Variants in NGF observed in about 807,000 individuals in gnomAD.
NGF encodes beta-nerve growth factor.
In NGF, 4 loss-of-function variants were observed where a neutral mutation model predicts 12.8. The ratio of observed to expected loss-of-function variants is 0.31; its 90% confidence interval spans 0.15 to 0.72. NGF has a LOEUF of 0.72. Among genes scored for constraint, NGF ranks in the 30% least tolerant of loss-of-function variants. The pLI is 0.69. For synonymous variants in NGF, 140 were observed against 130.0 expected, an observed-to-expected ratio of 1.08 and a Z score of -0.52; for missense variants, 283 against 330.8, an observed-to-expected ratio of 0.86 and a Z score of 1.12.
chr1:115,318,641 C>T (rs1367478189), intron 1 of NGF, among the ~76,000 whole-genome samples: 1 of 152,196 alleles, frequency 6.6e-6, no homozygotes, highest in African/African-American at 2.4e-5. Context: ...CCAGCCACCT[C>T]TCTTCTTTGT....
At chr1:115,324,618 A>C (rs1475973869) in intron 1 of NGF, among the ~76,000 whole-genome samples, 1 of 152,014 alleles carries the variant, frequency 6.6e-6, no homozygotes, top group Admixed American at 6.5e-5. Flanking sequence ...CTGTCCTATC[A>C]CAGATTAAAA....
intron 1 of NGF, among the ~76,000 whole-genome samples, chr1:115,293,952 G>A (rs975968284): frequency 6.6e-6 from 1 of 152,232 alleles, no homozygotes; most frequent in African/African-American, 2.4e-5. Context: ...GGTGGCACCT[G>A]CCTCTCACTC....
At chr1:115,292,544 A>C (rs1294996242) in intron 2 of NGF, among the ~76,000 whole-genome samples, 1 of 152,196 alleles carries the variant, frequency 6.6e-6, no homozygotes, top group Non-Finnish European at 1.5e-5. Flanking sequence ...AACTTTGTAG[A>C]AGACAAAAAT....
chr1:115,312,079 C>T (rs941309020), intron 1 of NGF, among the ~76,000 whole-genome samples: 1 of 152,172 alleles, frequency 6.6e-6, no homozygotes, highest in African/African-American at 2.4e-5. Flanking sequence ...TAAGTTGTGT[C>T]TATAAGTAGA....
At chr1:115,319,531 T>C (rs1159336503) in intron 1 of NGF, among the ~76,000 whole-genome samples, 2 of 152,180 alleles carry the variant, frequency 1.3e-5, no homozygotes, top group African/African-American at 4.8e-5. Flanking sequence ...ACAGACTTAG[T>C]AGAACTCAAA....
chr1:115,313,990 T>C lies in NGF; in HGVS notation c.-136-20240A>G, dbSNP rs11466078. On this transcript the variant is annotated intron_variant, in intron 1 of 2. Coordinates refer to ENST00000369512, the MANE Select transcript of NGF (RefSeq NM_002506.3). ...GCCAGTTATTAAAAAGACCACATTATAGCACAGCCTATACCAGGACTTCAG... is the reference window on the plus strand; with the variant it reads ...GCCAGTTATTAAAAAGACCACATTACAGCACAGCCTATACCAGGACTTCAG... 1.9e-3 allele frequency among the ~76,000 whole-genome samples: 292 copies of C among 152,266 alleles called. 3 individuals are homozygous for C. Among genetic ancestry groups the C allele is most frequent in the Non-Finnish European group, 3.5e-3 (237 of 68,018 alleles).
intron 1 of NGF, among the ~76,000 whole-genome samples, chr1:115,294,355 T>C (rs148544533): frequency 6.6e-6 from 1 of 152,326 alleles, no homozygotes; most frequent in East Asian, 1.9e-4. Context: ...TTTTAAAAAA[T>C]CAATTTTAGG....
In NGF at chr1:115,286,637, G is replaced by A. The variant is rs376241395; in HGVS notation, c.159C>T (p.Ser53=). 1.4e-5 allele frequency: 22 copies of A among 1,614,106 alleles called. No homozygotes were observed. The highest frequency in any genetic ancestry group is 4.0e-5 in the African/African-American group (3 of 74,948). ...GTGCAGCTATCGCCGCTGCCGGGGC[G>A]CTGCGGGCTCTGCGAAGGGCAGTGT... is the stretch of plus-strand genomic sequence containing the variant. The part of the protein sequence containing the change: ...SLDTALRRAR[S]APAAAIAARV... The change falls in exon 3 of 3, where the codon AGC becomes AGT. Residue 53 remains serine, a synonymous_variant. Transcript: ENST00000369512.
rs188683711 is a variant in NGF, at chr1:115,326,277, C to A, written c.-137+11927G>T. 2.6e-5 allele frequency among the ~76,000 whole-genome samples: 4 copies of A among 152,194 alleles called. No homozygotes were observed. The East Asian group carries it at 7.7e-4, about 29-fold the overall frequency. ...TGTCCTGGCACTGTTGTTACATCTG[C>A]CTTAGACTGAGTAGTTGGGGAGCTC... is the stretch of plus-strand genomic sequence containing the variant. On this transcript the variant is annotated intron_variant, in intron 1 of 2. Transcript: ENST00000369512.
At chr1:115,330,918 G>A (rs533828979) in intron 1 of NGF, among the ~76,000 whole-genome samples, 1 of 152,254 alleles carries the variant, frequency 6.6e-6, no homozygotes, top group South Asian at 2.1e-4. Context: ...GCCCAGGTCA[G>A]GCTTTTAAAG....
intron 2 of NGF, among the ~76,000 whole-genome samples, chr1:115,288,357 G>A (rs889245414): frequency 6.6e-6 from 1 of 152,098 alleles, no homozygotes; most frequent in South Asian, 2.1e-4. Flanking sequence ...GAGCCTTAGC[G>A]TTCCCATTGA....
intron 1 of NGF, among the ~76,000 whole-genome samples, chr1:115,300,020 G>A (rs1000845331): frequency 9.9e-5 from 15 of 152,168 alleles, no homozygotes; most frequent in Non-Finnish European, 1.9e-4. Context: ...GATTGAACAC[G>A]TGAAAGAAAA....
At chr1:115,296,560 A>G (rs368139957) in intron 1 of NGF, among the ~76,000 whole-genome samples, 1 of 152,144 alleles carries the variant, frequency 6.6e-6, no homozygotes. Flanking sequence ...TTTCTGGACC[A>G]AGTCACCTTG....
chr1:115,286,188 G>T lies in NGF; in HGVS notation c.608C>A (p.Thr203Lys). 1 of 1,614,168 alleles carries T rather than the reference G, an allele frequency of 6.2e-7. No homozygotes were observed. The highest frequency in any genetic ancestry group is 1.1e-5 in the South Asian group (1 of 91,076). Residue 203 changes from threonine to lysine, a missense_variant, in exon 3 of 3, where the codon ACG becomes AAG. Around this residue, in one of 2 missense-constraint regions of NGF, gnomAD observed 132 missense variants for 189.2 expected, o/e 0.70. Coordinates refer to ENST00000369512, the MANE Select transcript of NGF (RefSeq NM_002506.3). ...DSKHWNSYCT[T>K]THTFVKALTM... ...CAGCGCCTTGACAAAGGTGTGAGTC[G>T]TGGTACAATATGAGTTCCAGTGCTT...
At chr1:115,335,854 T>C (rs1471873783) in intron 1 of NGF, among the ~76,000 whole-genome samples, 1 of 152,188 alleles carries the variant, frequency 6.6e-6, no homozygotes, top group Non-Finnish European at 1.5e-5. Context: ...AGTAAAGCAC[T>C]CCATCAATGA....
chr1:115,333,261 T>C (rs1302125485), intron 1 of NGF, among the ~76,000 whole-genome samples: 1 of 152,176 alleles, frequency 6.6e-6, no homozygotes, highest in Non-Finnish European at 1.5e-5. Flanking sequence ...TTCGTGGTTA[T>C]TGGGAAACTG....
intron 1 of NGF, among the ~76,000 whole-genome samples, chr1:115,312,092 G>A (rs1038282682): frequency 5.3e-5 from 8 of 152,216 alleles, no homozygotes; most frequent in Non-Finnish European, 1.2e-4. Flanking sequence ...TAAGTAGAGA[G>A]TAAATTGCTT....
intron 1 of NGF, among the ~76,000 whole-genome samples, chr1:115,298,110 T>TG (rs1653925048): frequency 6.6e-6 from 1 of 152,350 alleles, no homozygotes; most frequent in African/African-American, 2.4e-5. Context: ...ACAAACCCTC[T>TG]GGGGAATGTT....
At chr1:115,297,207 G>A (rs764453068) in intron 1 of NGF, among the ~76,000 whole-genome samples, 10 of 152,142 alleles carry the variant, frequency 6.6e-5, no homozygotes, top group Admixed American at 2.0e-4. Context: ...AACAATCTGC[G>A]GTTTAACCAG....
Sources: gnomAD v4.1 joint callset for allele counts (sites outside exome capture counted in the v4.1 genomes callset) on GRCh38, gnomAD v4.1.1 for gene constraint, gnomAD v4.1.1 regional missense constraint, MANE v1.5 for transcripts, NCBI Gene and HGNC (gene_info 2026-07-23, HGNC 2026-07-21) for gene names.